Variants in TTC39B observed in about 807,000 individuals in gnomAD.
The protein encoded by TTC39B is tetratricopeptide repeat domain 39B.
TTC39B carries 92 observed loss-of-function variants against 96.6 expected under a neutral mutation model. The observed-to-expected ratio is 0.95, with a 90% CI of 0.80 to 1.13. The LOEUF is 1.13. Among genes scored for constraint, TTC39B ranks in the 50% most tolerant of loss-of-function variants. The pLI, the probability that TTC39B is intolerant of heterozygous loss-of-function variation, is 0.00. For synonymous variants in TTC39B, 367 were observed against 299.4 expected (o/e 1.23, Z -2.33); for missense variants, 955 against 809.3 (o/e 1.18, Z -2.18).
chr9:15,213,528 C>A (rs1438033380), intron 4 of TTC39B, among the ~76,000 whole-genome samples: 5 of 152,130 alleles, frequency 3.3e-5, no homozygotes, highest in Non-Finnish European at 5.9e-5. Flanking sequence ...GACTTTTATG[C>A]CCAAGTAATC....
At chr9:15,199,898 C>A in exon 8 of TTC39B, 2 of 1,543,060 alleles carry the variant, frequency 1.3e-6, no homozygotes, top group Non-Finnish European at 1.8e-6. Flanking sequence ...TTGAGTCCAC[C>A]TTTGATGAAG....
chr9:15,170,348 A>AT (rs1289300903), exon 20 of TTC39B: 1 of 152,194 alleles, frequency 6.6e-6, no homozygotes, highest in East Asian at 1.9e-4. Flanking sequence ...AAACACATGA[A>AT]TACACAGTAA....
intron 6 of TTC39B, among the ~76,000 whole-genome samples, chr9:15,205,892 A>G (rs1819821573): frequency 6.6e-6 from 1 of 152,126 alleles, no homozygotes. Context: ...CACCTTCAGG[A>G]AAAGCCAGTC....
chr9:15,298,584 A>C (rs1030094446), intron 1 of TTC39B, among the ~76,000 whole-genome samples: 9 of 152,156 alleles, frequency 5.9e-5, no homozygotes, highest in African/African-American at 2.2e-4. Context: ...CACTGTCACA[A>C]GAAGAGCATG....
At chr9:15,175,813 G>A (rs1230774273) in intron 18 of TTC39B, among the ~76,000 whole-genome samples, 1 of 152,148 alleles carries the variant, frequency 6.6e-6, no homozygotes, top group Non-Finnish European at 1.5e-5. Context: ...TAATATCCAT[G>A]CAGGAGATGA....
chr9:15,193,575 T>A (rs2118832332), intron 8 of TTC39B, among the ~76,000 whole-genome samples: 1 of 152,316 alleles, frequency 6.6e-6, no homozygotes, highest in Non-Finnish European at 1.5e-5. Context: ...GAGAGTCAAT[T>A]CAGATGCCTA....
intron 1 of TTC39B, among the ~76,000 whole-genome samples, chr9:15,300,539 C>T (rs1824547353): frequency 6.6e-6 from 1 of 152,200 alleles, no homozygotes; most frequent in Non-Finnish European, 1.5e-5. Context: ...TCATCCACTT[C>T]ACCAGATTTA....
chr9:15,288,864 G>C (rs1444120706), intron 1 of TTC39B, among the ~76,000 whole-genome samples: 1 of 152,186 alleles, frequency 6.6e-6, no homozygotes, highest in South Asian at 2.1e-4. Flanking sequence ...CCCATAAGGG[G>C]TTTGAGCATG....
chr9:15,193,273 G>T lies in TTC39B; in HGVS notation c.825-578C>A, dbSNP rs1818965416. 2.0e-5 allele frequency among the ~76,000 whole-genome samples: 3 copies of T among 152,152 alleles called. No individual in the cohort carries two copies. The South Asian group carries it at 6.2e-4, about 32-fold the overall frequency. ...TCCAACTTCTCACTTTACTTTCTAT[G>T]TATTTCTCTCTTGCCTGTTCACATC... On this transcript the variant is annotated intron_variant, in intron 8 of 19. Coordinates refer to ENST00000512701, the Ensembl canonical transcript of TTC39B.
chr9:15,176,174 C>T (rs1359462959), intron 18 of TTC39B, among the ~76,000 whole-genome samples: 1 of 152,142 alleles, frequency 6.6e-6, no homozygotes, highest in African/African-American at 2.4e-5. Flanking sequence ...TGTAGAGCAA[C>T]TCTTCTTCAG....
chr9:15,289,221 C>T (rs974940443), intron 1 of TTC39B, among the ~76,000 whole-genome samples: 2 of 152,146 alleles, frequency 1.3e-5, no homozygotes, highest in African/African-American at 2.4e-5. Context: ...AAAACCTTTC[C>T]TCCCAAAAAT....
intron 1 of TTC39B, among the ~76,000 whole-genome samples, chr9:15,289,216 C>G (rs1372108379): frequency 1.3e-5 from 2 of 152,126 alleles, no homozygotes; most frequent in Non-Finnish European, 2.9e-5. Flanking sequence ...AAAACAAAAC[C>G]TTTCCTCCCA....
chr9:15,266,846 A>G (rs889866404), intron 2 of TTC39B, among the ~76,000 whole-genome samples: 9 of 152,134 alleles, frequency 5.9e-5, no homozygotes, highest in African/African-American at 1.4e-4. Context: ...TTGGGAGGAC[A>G]AGAGGGGCAG....
intron 2 of TTC39B, among the ~76,000 whole-genome samples, chr9:15,230,493 T>A (rs891806934): frequency 5.9e-5 from 9 of 152,262 alleles, no homozygotes; most frequent in African/African-American, 1.9e-4. Context: ...GTATGGTCTT[T>A]ATGCTTGGCT....
chr9:15,286,437 C>G (rs552974910), intron 1 of TTC39B, among the ~76,000 whole-genome samples: 3 of 152,202 alleles, frequency 2.0e-5, no homozygotes, highest in Non-Finnish European at 2.9e-5. Context: ...GACTACAGAA[C>G]AGACAGTGTC....
At chr9:15,181,063 C>G (rs1056379315) in intron 17 of TTC39B, among the ~76,000 whole-genome samples, 2 of 152,174 alleles carry the variant, frequency 1.3e-5, no homozygotes, top group African/African-American at 4.8e-5. Flanking sequence ...ATTTCCACTG[C>G]ATTTTACTAG....
chr9:15,225,995 A>G (rs1339821085), exon 3 of TTC39B: 1 of 1,613,818 alleles, frequency 6.2e-7, no homozygotes, highest in Non-Finnish European at 8.5e-7. Flanking sequence ...GCTTGTTGCC[A>G]TATCTGAGTG....
chr9:15,206,688 T>C (rs551981807), intron 6 of TTC39B, among the ~76,000 whole-genome samples: 6 of 152,300 alleles, frequency 3.9e-5, no homozygotes, highest in South Asian at 4.1e-4. Context: ...TTTATTTAGA[T>C]ATGAAAGTCT....
intron 1 of TTC39B, among the ~76,000 whole-genome samples, chr9:15,288,229 G>C (rs1442805854): frequency 6.6e-6 from 1 of 152,136 alleles, no homozygotes; most frequent in African/African-American, 2.4e-5. Context: ...GAAGAGAGCA[G>C]TTCCCCAGCA....
Sources: gnomAD v4.1 joint callset for allele counts (sites outside exome capture counted in the v4.1 genomes callset) on GRCh38, gnomAD v4.1.1 for gene constraint, MANE v1.5 for transcripts, NCBI Gene and HGNC (gene_info 2026-07-23, HGNC 2026-07-21) for gene names.